The following DNER variants were observed in gnomAD, a reference collection of about 807,000 sequenced individuals.
DNER encodes the protein delta/notch like EGF repeat containing.
DNER carries 33 observed loss-of-function variants against 78.2 expected under a neutral mutation model. The observed-to-expected ratio is 0.42, with a 90% confidence interval of 0.32 to 0.56. DNER has a LOEUF of 0.56. Ranked by LOEUF, DNER falls within the 20% of genes least tolerant of loss-of-function variation. The pLI, the probability that DNER is intolerant of heterozygous loss-of-function variation, is 0.11. For synonymous variants in DNER, 417 were observed against 384.8 expected (o/e 1.08, Z -0.98); for missense variants, 918 against 975.3 (o/e 0.94, Z 0.78).
At chr2:229,646,824 A>G (rs1383312454) in intron 1 of DNER, among the ~76,000 whole-genome samples, 1 of 152,252 alleles carries the variant, frequency 6.6e-6, no homozygotes, top group Non-Finnish European at 1.5e-5. Context: ...GACAATAGAA[A>G]AGCAAATAAT....
intron 4 of DNER, among the ~76,000 whole-genome samples, chr2:229,548,534 T>C (rs556439106): frequency 1.3e-5 from 2 of 151,836 alleles, no homozygotes; most frequent in African/African-American, 2.4e-5. Flanking sequence ...TAGGTGAGAG[T>C]TGAACAATGA....
intron 1 of DNER, among the ~76,000 whole-genome samples, chr2:229,675,014 T>C (rs1699278841): frequency 6.6e-6 from 1 of 151,982 alleles, no homozygotes; most frequent in Non-Finnish European, 1.5e-5. Context: ...ATCACATTGT[T>C]CTGGAAGGTG....
intron 1 of DNER, among the ~76,000 whole-genome samples, chr2:229,620,101 T>C (rs960269777): frequency 2.0e-5 from 3 of 151,876 alleles, no homozygotes; most frequent in Admixed American, 6.6e-5. Context: ...GGAAGTTTGT[T>C]CAGAACCAAA....
chr2:229,422,182 C>T (rs1047111734), intron 8 of DNER, among the ~76,000 whole-genome samples: 4 of 152,042 alleles, frequency 2.6e-5, no homozygotes, highest in South Asian at 2.1e-4. Flanking sequence ...CTCAATCGGA[C>T]GATTTGAATA....
At chr2:229,368,437 C>T (rs1186597074) in intron 11 of DNER, among the ~76,000 whole-genome samples, 1 of 152,102 alleles carries the variant, frequency 6.6e-6, no homozygotes, top group Non-Finnish European at 1.5e-5. Flanking sequence ...ATTCCACCAG[C>T]AACAGCATAA....
rs73095397 is a variant in DNER, at chr2:229,687,997, C to T, written c.276+26151G>A. On this transcript the variant is annotated intron_variant, in intron 1 of 12. Transcript: ENST00000341772. ...TTTCCGTTGTGGCATAGAATCTATG[C>T]CAATCCACTGCCATTGCAAACCCAC... Among the ~76,000 whole-genome samples, 634 of 152,300 alleles carry T rather than the reference C, an allele frequency of 4.2e-3. 5 individuals carry two copies. The highest frequency in any genetic ancestry group is 0.015 in the African/African-American group (616 of 41,548).
intron 1 of DNER, among the ~76,000 whole-genome samples, chr2:229,688,974 C>A (rs965039281): frequency 1.3e-5 from 2 of 152,074 alleles, no homozygotes; most frequent in African/African-American, 4.8e-5. Flanking sequence ...GAACAACACA[C>A]AATGGGGCCT....
chr2:229,357,756 A>G lies in DNER; in HGVS notation c.*784T>C, dbSNP rs1692120890. 1 of 152,218 alleles carries G rather than the reference A, an allele frequency of 6.6e-6. No homozygotes were observed. Among genetic ancestry groups the G allele is most frequent in the African/African-American group, 2.4e-5 (1 of 41,458 alleles). 9.4% of individuals were successfully genotyped at this position (152,218 alleles called of 1,614,324 possible). A position where few individuals can be genotyped will look rare whatever the true frequency, so the allele number is the denominator to read the frequency against. ...TAAAGCTGCACTATGAGAAATACTC[A>G]CTACTGAAGGAACCAGTACTCTCTT... On this transcript the variant is annotated 3_prime_UTR_variant, in exon 13 of 13. Transcript: ENST00000341772.
At chr2:229,402,169 A>C (rs1414823932) in intron 10 of DNER, among the ~76,000 whole-genome samples, 5 of 152,170 alleles carry the variant, frequency 3.3e-5, no homozygotes, top group Non-Finnish European at 7.4e-5. Context: ...AATTAGACCA[A>C]TTACCAAAAT....
At chr2:229,435,198 G>A (rs895352306) in intron 8 of DNER, among the ~76,000 whole-genome samples, 14 of 152,176 alleles carry the variant, frequency 9.2e-5, no homozygotes, top group East Asian at 1.9e-4. Flanking sequence ...CCCTACAATC[G>A]TGGGAAGAAG....
chr2:229,539,014 T>G (rs1696465012), intron 5 of DNER, among the ~76,000 whole-genome samples: 1 of 152,140 alleles, frequency 6.6e-6, no homozygotes, highest in Admixed American at 6.5e-5. Flanking sequence ...GCACCTAAGC[T>G]CACCACACAC....
chr2:229,657,734 C>T lies in DNER; in HGVS notation c.276+56414G>A, dbSNP rs181141607. 2.7e-3 allele frequency among the ~76,000 whole-genome samples: 405 copies of T among 152,328 alleles called. 2 individuals are homozygous for T. The highest frequency in any genetic ancestry group is 4.2e-3 in the Non-Finnish European group (284 of 68,032). ...AACCTAGTTCTTGTATCCAGACTCT[C>T]ACAACAGCTTCTCCATCTCTGAGAG... On this transcript the variant is annotated intron_variant, in intron 1 of 12. Coordinates refer to ENST00000341772, the MANE Select transcript of DNER (RefSeq NM_139072.4).
intron 1 of DNER, among the ~76,000 whole-genome samples, chr2:229,629,332 C>G (rs1698396757): frequency 6.6e-6 from 1 of 152,178 alleles, no homozygotes; most frequent in African/African-American, 2.4e-5. Flanking sequence ...CTGAGATGCA[C>G]CATAAAGAAC....
intron 11 of DNER, among the ~76,000 whole-genome samples, chr2:229,374,038 C>G (rs1157961108): frequency 6.6e-6 from 1 of 152,082 alleles, no homozygotes; most frequent in Admixed American, 6.6e-5. Flanking sequence ...TGTCATGGTA[C>G]ATTTCTGTAA....
At chr2:229,606,931 C>T (rs187402478) in intron 1 of DNER, among the ~76,000 whole-genome samples, 82 of 152,174 alleles carry the variant, frequency 5.4e-4, no homozygotes, top group African/African-American at 1.8e-3. Flanking sequence ...ACAACAAAAA[C>T]GTGTTTAGGA....
chr2:229,623,391 C>T (rs1310565173), intron 1 of DNER, among the ~76,000 whole-genome samples: 3 of 152,134 alleles, frequency 2.0e-5, no homozygotes, highest in African/African-American at 7.2e-5. Context: ...TCCTTGCCTG[C>T]TCCCCCTCCC....
intron 1 of DNER, among the ~76,000 whole-genome samples, chr2:229,623,645 T>C (rs72991697): frequency 0.021 from 3,247 of 152,298 alleles, 45 homozygotes; most frequent in Middle Eastern, 0.034. Flanking sequence ...CCTTGATCGC[T>C]ACTGCAGACT....
At chr2:229,468,927 A>G (rs2154211088) in intron 7 of DNER, among the ~76,000 whole-genome samples, 1 of 152,264 alleles carries the variant, frequency 6.6e-6, no homozygotes, top group East Asian at 1.9e-4. Flanking sequence ...TAAACTGGGC[A>G]CTGGAAGTAA....
chr2:229,594,727 ATATCATGTTAT>A (rs1321909462), intron 1 of DNER, among the ~76,000 whole-genome samples: 1 of 152,196 alleles, frequency 6.6e-6, no homozygotes, highest in Non-Finnish European at 1.5e-5. Flanking sequence ...CACAACTTTA[ATATCATGTTAT>A]TATCATGCCA....
Sources: allele counts gnomAD v4.1 joint callset (sites outside exome capture counted in the v4.1 genomes callset), GRCh38; gene constraint gnomAD v4.1.1; transcripts MANE v1.5; gene names NCBI Gene and HGNC (gene_info 2026-07-23, HGNC 2026-07-21).